NBEA: variants seen among roughly 807,000 people sequenced by gnomAD.
NBEA encodes neurobeachin.
In NBEA, 44 loss-of-function variants were observed where a neutral mutation model predicts 343.4. The ratio of observed to expected loss-of-function variants is 0.13; its 90% CI spans 0.10 to 0.16. NBEA has a LOEUF of 0.16. NBEA is among the 10% of genes least tolerant of loss of function. The pLI, the probability that NBEA is intolerant of heterozygous loss-of-function variation, is 1.00. For synonymous variants in NBEA, 1,175 were observed against 1,238.7 expected, an observed-to-expected ratio of 0.95 and a Z score of 1.08; for missense variants, 2,555 against 3,631.3, an observed-to-expected ratio of 0.70 and a Z score of 7.62.
At chr13:35,077,909 A>G (rs749694904) in intron 10 of NBEA, among the ~76,000 whole-genome samples, 3 of 152,178 alleles carry the variant, frequency 2.0e-5, no homozygotes, top group Non-Finnish European at 4.4e-5. Context: ...TGTATTTATG[A>G]ATAAAAGGTG....
At chr13:35,059,083 GC>G (rs2063370059) in intron 8 of NBEA, among the ~76,000 whole-genome samples, 1 of 151,758 alleles carries the variant, frequency 6.6e-6, no homozygotes, top group Non-Finnish European at 1.5e-5. Flanking sequence ...TTCATGGCAT[GC>G]CTTTTGTTAA....
intron 48 of NBEA, among the ~76,000 whole-genome samples, chr13:35,608,126 A>G (rs2082358698): frequency 6.6e-6 from 1 of 152,118 alleles, no homozygotes; most frequent in Admixed American, 6.5e-5. Flanking sequence ...TATTTTAGAA[A>G]GTTGCTGATG....
chr13:35,474,767 A>G (rs952414850), intron 41 of NBEA: 7 of 313,064 alleles, frequency 2.2e-5, no homozygotes, highest in African/African-American at 4.3e-5. Flanking sequence ...GTCTGGCGTT[A>G]CAGCTGGGCT....
chr13:34,981,126 A>G (rs1317949683), intron 1 of NBEA, among the ~76,000 whole-genome samples: 2 of 151,956 alleles, frequency 1.3e-5, no homozygotes, highest in Non-Finnish European at 2.9e-5. Flanking sequence ...TACCCTCTCC[A>G]TGTTTGCCTT....
intron 38 of NBEA, among the ~76,000 whole-genome samples, chr13:35,423,543 T>C (rs868519664): frequency 6.6e-6 from 1 of 152,048 alleles, no homozygotes; most frequent in Non-Finnish European, 1.5e-5. Context: ...TGCTGTTTTG[T>C]TTACTGTAGC....
intron 41 of NBEA, chr13:35,476,040 T>G: frequency 6.2e-7 from 1 of 1,614,222 alleles, no homozygotes; most frequent in Admixed American, 1.7e-5. Flanking sequence ...CTTTGCAGAC[T>G]TCCCGGATAG....
chr13:35,492,016 G>A (rs762041375), intron 41 of NBEA, among the ~76,000 whole-genome samples: 4 of 151,914 alleles, frequency 2.6e-5, no homozygotes, highest in East Asian at 1.9e-4. Context: ...AGAGTAAATC[G>A]GAGGTGGAAA....
intron 36 of NBEA, among the ~76,000 whole-genome samples, chr13:35,315,192 A>G (rs1424676284): frequency 1.3e-5 from 2 of 152,178 alleles, no homozygotes; most frequent in Non-Finnish European, 2.9e-5. Context: ...AAAAATCTTT[A>G]AGTAGAAATT....
chr13:34,969,316 TAAAAA>T (rs879643826), intron 1 of NBEA, among the ~76,000 whole-genome samples: 1 of 146,666 alleles, frequency 6.8e-6, no homozygotes. Context: ...TTTTGGTTTT[TAAAAA>T]AAAAAAACTA....
chr13:35,023,503 A>G (rs2061916196), intron 1 of NBEA, among the ~76,000 whole-genome samples: 1 of 152,194 alleles, frequency 6.6e-6, no homozygotes, highest in South Asian at 2.1e-4. Flanking sequence ...AAAGTATGCG[A>G]TCATAGAGGA....
intron 44 of NBEA, among the ~76,000 whole-genome samples, chr13:35,561,069 T>C (rs951506333): frequency 1.3e-5 from 2 of 152,182 alleles, no homozygotes; most frequent in African/African-American, 4.8e-5. Flanking sequence ...CTGCCCTATA[T>C]CTATATCTTT....
At chr13:35,219,952 G>A (rs1370290014) in intron 33 of NBEA, among the ~76,000 whole-genome samples, 3 of 152,124 alleles carry the variant, frequency 2.0e-5, no homozygotes, top group Non-Finnish European at 2.9e-5. Context: ...TACCCAGAGT[G>A]CTGTTTAATC....
intron 33 of NBEA, among the ~76,000 whole-genome samples, chr13:35,214,567 T>C (rs1452298940): frequency 6.6e-6 from 1 of 151,828 alleles, no homozygotes; most frequent in Non-Finnish European, 1.5e-5. Flanking sequence ...TCTTGAGATA[T>C]GAGTTCTTTA....
Position 35,232,450 on chromosome 13 carries a change from A to G in NBEA, c.5649-42A>G, listed in dbSNP as rs1405725187. The G allele has an allele frequency of 4.0e-6, 5 of 1,247,466 alleles. No individual in the cohort carries two copies. The African/African-American group carries it at 6.1e-5, about 15-fold the overall frequency. 77.3% of individuals were successfully genotyped at this position (1,247,466 alleles called of 1,614,324 possible). A position where few individuals can be genotyped will look rare whatever the true frequency, so the allele number is the denominator to read the frequency against. ...AAGTAAAGTTTATTTGACATTTTATATTGAATTATATTTATTAGTTTTTAT... is the reference window on the plus strand; with the variant it reads ...AAGTAAAGTTTATTTGACATTTTATGTTGAATTATATTTATTAGTTTTTAT... On this transcript the variant is annotated intron_variant, in intron 33 of 58. Transcript: ENST00000379939.
chr13:35,484,313 A>C (rs2076234214), intron 41 of NBEA, among the ~76,000 whole-genome samples: 1 of 147,344 alleles, frequency 6.8e-6, no homozygotes, highest in African/African-American at 2.5e-5. Flanking sequence ...CACTAATTTA[A>C]AATTGTTTTT....
At chr13:35,482,500 A>G (rs1350306582) in intron 41 of NBEA, among the ~76,000 whole-genome samples, 1 of 151,634 alleles carries the variant, frequency 6.6e-6, no homozygotes, top group African/African-American at 2.4e-5. Flanking sequence ...TCAATTCTAA[A>G]GTAATACTAA....
intron 11 of NBEA, among the ~76,000 whole-genome samples, chr13:35,098,954 G>T (rs942084769): frequency 3.3e-5 from 5 of 151,624 alleles, no homozygotes; most frequent in Non-Finnish European, 7.4e-5. Context: ...ATCCACTAGG[G>T]GTCTTGGAAC....
At chr13:35,482,637 G>T (rs1186813893) in intron 41 of NBEA, among the ~76,000 whole-genome samples, 1 of 150,744 alleles carries the variant, frequency 6.6e-6, no homozygotes, top group Non-Finnish European at 1.5e-5. Context: ...AAAAAAAAAA[G>T]TGGGAACCTA....
At chr13:35,542,719 A>T (rs9544596) in intron 41 of NBEA, among the ~76,000 whole-genome samples, 12,358 of 152,126 alleles carry the variant, frequency 0.081, 773 homozygotes, top group East Asian at 0.31. Context: ...TAAATATTTT[A>T]AAAAGACGTG....
Sources: allele counts gnomAD v4.1 joint callset (sites outside exome capture counted in the v4.1 genomes callset), GRCh38; gene constraint gnomAD v4.1.1; transcripts MANE v1.5; gene names NCBI Gene and HGNC (gene_info 2026-07-23, HGNC 2026-07-21).